Variants in TMEM132B observed in about 807,000 individuals in gnomAD.
The protein encoded by TMEM132B is transmembrane protein 132B.
A neutral mutation model predicts 90.8 loss-of-function variants in TMEM132B; 18 were observed. The observed-to-expected ratio is 0.20, with a 90% CI of 0.14 to 0.29. The LOEUF (loss-of-function observed/expected upper bound fraction) is 0.29. TMEM132B is among the 10% of genes least tolerant of loss of function. The pLI is 1.00. For synonymous variants in TMEM132B, 504 were observed against 523.3 expected (o/e 0.96, Z 0.50); for missense variants, 1,096 against 1,326.8 (o/e 0.83, Z 2.70).
At chr12:125,312,584 G>T (rs1241182500) in intron 1 of TMEM132B, among the ~76,000 whole-genome samples, 1 of 152,244 alleles carries the variant, frequency 6.6e-6, no homozygotes, top group Non-Finnish European at 1.5e-5. Context: ...CCATCTCTGA[G>T]GAAGTTGGCC....
chr12:125,385,990 G>A (rs1878820162), intron 2 of TMEM132B, among the ~76,000 whole-genome samples: 1 of 151,884 alleles, frequency 6.6e-6, no homozygotes, highest in Non-Finnish European at 1.5e-5. Context: ...TTGTTTGCTT[G>A]TTTGTTTGTT....
chr12:125,555,422 GA>G (rs372188664), intron 4 of TMEM132B, among the ~76,000 whole-genome samples: 6 of 145,502 alleles, frequency 4.1e-5, no homozygotes, highest in South Asian at 2.2e-4. Context: ...AATCAGTCTG[GA>G]AAAAAAAAAG....
chr12:125,591,502 A>G, intron 5 of TMEM132B, among the ~76,000 whole-genome samples: 1 of 152,160 alleles, frequency 6.6e-6, no homozygotes, highest in Non-Finnish European at 1.5e-5. Flanking sequence ...GGGCCACAAG[A>G]TAATCCATAT....
chr12:125,526,362 T>G (rs1883462119), intron 4 of TMEM132B, among the ~76,000 whole-genome samples: 1 of 152,214 alleles, frequency 6.6e-6, no homozygotes, highest in African/African-American at 2.4e-5. Context: ...CCCTCATTTC[T>G]CCCTGGAGAG....
intron 1 of TMEM132B, among the ~76,000 whole-genome samples, chr12:125,303,185 A>G (rs1349531972): frequency 6.6e-6 from 1 of 151,942 alleles, no homozygotes; most frequent in Admixed American, 6.6e-5. Flanking sequence ...CCTCAAATCT[A>G]CTTTTTGTCT....
chr12:125,412,361 A>T (rs1359310555), intron 2 of TMEM132B, among the ~76,000 whole-genome samples: 1 of 152,218 alleles, frequency 6.6e-6, no homozygotes, highest in Non-Finnish European at 1.5e-5. Flanking sequence ...TCAATTAAGG[A>T]GCTAAAGTGT....
At chr12:125,214,669 C>T (rs1173683149) in intron 1 of TMEM132B, among the ~76,000 whole-genome samples, 4 of 152,204 alleles carry the variant, frequency 2.6e-5, no homozygotes. Flanking sequence ...AACACGTGCC[C>T]ACTCTAGCAG....
At chr12:125,552,760 A>G (rs1884267701) in intron 4 of TMEM132B, among the ~76,000 whole-genome samples, 1 of 152,236 alleles carries the variant, frequency 6.6e-6, no homozygotes, top group Non-Finnish European at 1.5e-5. Context: ...TCATTGCTTA[A>G]TATTTCATTT....
At chr12:125,584,096 A>T (rs1242313509) in intron 5 of TMEM132B, 102 bp downstream of exon 5, 1 of 1,546,628 alleles carries the variant, frequency 6.5e-7, no homozygotes, top group African/African-American at 1.4e-5. Flanking sequence ...CCCATGCTCT[A>T]AAGGGCTGGA....
At chr12:125,617,975 A>G (rs1886031566) in intron 5 of TMEM132B, among the ~76,000 whole-genome samples, 1 of 150,902 alleles carries the variant, frequency 6.6e-6, no homozygotes, top group African/African-American at 2.4e-5. Context: ...AAACTCCATT[A>G]TTTTTGAGAA....
At position 125,349,133 on chromosome 12, in the gene TMEM132B, A is replaced by G. The variant is rs545533355; in HGVS notation, c.68-319A>G. On this transcript the variant is annotated intron_variant, in intron 1 of 8. Transcript: ENST00000682704. This position sits in a 1 kb window ranked among gnomAD's most constrained non-coding sequence, Gnocchi z 4.1. ...CCTTTTATCTGTGGGGTAGATGAAC[A>G]ACGATGACCATGATCTTTTGAGTTT... is the stretch of plus-strand genomic sequence containing the variant. 6.6e-6 allele frequency among the ~76,000 whole-genome samples: 1 copy of G among 152,316 alleles called. No homozygotes were observed. The highest frequency in any genetic ancestry group is 6.5e-5 in the Admixed American group (1 of 15,302).
intron 4 of TMEM132B, among the ~76,000 whole-genome samples, chr12:125,524,171 T>C (rs1193746069): frequency 1.3e-5 from 2 of 152,226 alleles, no homozygotes; most frequent in Non-Finnish European, 2.9e-5. Flanking sequence ...GAGTACCTCT[T>C]CTGTCTACTT....
intron 2 of TMEM132B, among the ~76,000 whole-genome samples, chr12:125,368,302 G>A (rs1420445173): frequency 6.6e-6 from 1 of 152,232 alleles, no homozygotes; most frequent in Non-Finnish European, 1.5e-5. Context: ...ATGATACTGT[G>A]TTCTTGTTGC....
At chr12:125,341,876 G>A (rs1486874790) in intron 1 of TMEM132B, among the ~76,000 whole-genome samples, 1 of 152,114 alleles carries the variant, frequency 6.6e-6, no homozygotes, top group Non-Finnish European at 1.5e-5. Flanking sequence ...TACTTTTGTG[G>A]GGAGATAAAT....
intron 3 of TMEM132B, among the ~76,000 whole-genome samples, chr12:125,515,968 CG>C (rs1883143962): frequency 7.0e-6 from 1 of 143,674 alleles, no homozygotes; most frequent in African/African-American, 2.8e-5. Context: ...TCTCTTGTGC[CG>C]ACACACACAC....
Position 125,521,251 on chromosome 12 carries a change from CCTTCT to C in TMEM132B, c.1293+1630_1293+1634del, listed in dbSNP as rs1166523946. Reference sequence around the variant, plus strand: ...CTCTTCCTCTTCCTTCACTTCCCCTCCTTCTCTTTCTCATTCTCCTTCTCCTTCTT... The same window carrying C: ...CTCTTCCTCTTCCTTCACTTCCCCTCCTTTCTCATTCTCCTTCTCCTTCTT... On this transcript the variant is annotated intron_variant, in intron 4 of 8. Coordinates refer to ENST00000682704, the MANE Select transcript of TMEM132B (RefSeq NM_001366854.1). 2.6e-5 allele frequency among the ~76,000 whole-genome samples: 4 copies of C among 152,134 alleles called. No homozygotes were observed. In the East Asian group the frequency reaches 7.7e-4, roughly 29 times the overall value.
intron 5 of TMEM132B, among the ~76,000 whole-genome samples, chr12:125,637,387 G>A (rs865903914): frequency 6.6e-6 from 1 of 152,182 alleles, no homozygotes. Context: ...AGTCAACTTA[G>A]AAAGTTTATT....
rs1874915237 is a variant in TMEM132B, at chr12:125,273,867, T to TC, written c.68-75585_68-75584insC. Reference sequence around the variant, plus strand: ...TTTGTAGAGATGGGGTTTCACCATGTTGGTCAGTCTGGTCTTGAACTTCTG... The same window carrying TC: ...TTTGTAGAGATGGGGTTTCACCATGTCTGGTCAGTCTGGTCTTGAACTTCTG... On this transcript the variant is annotated intron_variant, in intron 1 of 8. Coordinates refer to ENST00000682704, the MANE Select transcript of TMEM132B (RefSeq NM_001366854.1). Among the ~76,000 whole-genome samples the TC allele has an allele frequency of 2.0e-5, 3 of 152,190 alleles. No homozygotes were observed. The South Asian group carries it at 6.2e-4, about 31-fold the overall frequency.
At chr12:125,633,460 T>A (rs1886412294) in intron 5 of TMEM132B, among the ~76,000 whole-genome samples, 2 of 152,260 alleles carry the variant, frequency 1.3e-5, no homozygotes, top group South Asian at 4.1e-4. Flanking sequence ...GGACATGTTT[T>A]CATGGATTGC....
Sources: allele counts gnomAD v4.1 joint callset (sites outside exome capture counted in the v4.1 genomes callset), GRCh38; gene constraint gnomAD v4.1.1; non-coding constraint Gnocchi (gnomAD v3.1); transcripts MANE v1.5; gene names NCBI Gene and HGNC (gene_info 2026-07-23, HGNC 2026-07-21).